The following ATG10 variants were observed in gnomAD, a reference collection of about 807,000 sequenced individuals.
ATG10 encodes the protein ubiquitin-like-conjugating enzyme ATG10.
In ATG10, 30 loss-of-function variants were observed where a neutral mutation model predicts 32.1. The observed-to-expected ratio is 0.94, with a 90% CI of 0.70 to 1.27. ATG10 has a LOEUF of 1.27. Among genes scored for constraint, ATG10 ranks in the 50% most tolerant of loss-of-function variants. ATG10 has a pLI of 0.00. For synonymous variants in ATG10, 87 were observed against 91.5 expected, an observed-to-expected ratio of 0.95 and a Z score of 0.28; for missense variants, 233 against 262.3, an observed-to-expected ratio of 0.89 and a Z score of 0.77.
intron 3 of ATG10, among the ~76,000 whole-genome samples, chr5:82,097,682 AGCCATTAG>A (rs1765115102): frequency 6.6e-6 from 1 of 152,242 alleles, no homozygotes; most frequent in Non-Finnish European, 1.5e-5. Flanking sequence ...CAAAGATGCT[AGCCATTAG>A]GGTACAAATA....
chr5:82,218,052 T>TACAC (rs60254193), intron 5 of ATG10, among the ~76,000 whole-genome samples: 22,806 of 144,888 alleles, frequency 0.16, 1,815 homozygotes, highest in African/African-American at 0.19. Context: ...GTTCTCTCTT[T>TACAC]ACACACACAC....
intron 5 of ATG10, among the ~76,000 whole-genome samples, chr5:82,197,926 T>A (rs561862479): frequency 1.3e-5 from 2 of 152,178 alleles, no homozygotes; most frequent in Non-Finnish European, 2.9e-5. Flanking sequence ...TTTCTTGATC[T>A]ATGATGTTTT....
intron 2 of ATG10, among the ~76,000 whole-genome samples, chr5:82,022,436 C>T (rs1325201163): frequency 1.3e-5 from 2 of 149,272 alleles, no homozygotes; most frequent in Non-Finnish European, 3.0e-5. Flanking sequence ...TCAAGCAATT[C>T]TCCTGCCTCA....
At chr5:82,217,198 C>T (rs559725334) in intron 5 of ATG10, among the ~76,000 whole-genome samples, 59 of 152,282 alleles carry the variant, frequency 3.9e-4, no homozygotes, top group African/African-American at 1.4e-3. Context: ...TGCAATCAAA[C>T]AGACATCAGT....
intron 3 of ATG10, among the ~76,000 whole-genome samples, chr5:82,070,407 T>A (rs896343945): frequency 6.6e-6 from 1 of 152,200 alleles, no homozygotes. Context: ...CTCTTTCCAA[T>A]AAGTATTTGT....
At position 81,988,390 on chromosome 5, in the gene ATG10, C is replaced by T. The variant is rs190300294; in HGVS notation, c.108+712C>T. ...CTGGCCTCAAGTGATCCACCCGCCT[C>T]AGCCTCCCAAAGTCCTGGGATTATA... On this transcript the variant is annotated intron_variant, in intron 2 of 7. Coordinates refer to ENST00000282185, the MANE Select transcript of ATG10 (RefSeq NM_031482.5). 2.1e-3 allele frequency among the ~76,000 whole-genome samples: 313 copies of T among 152,312 alleles called. 1 individual carries two copies. Among genetic ancestry groups the T allele is most frequent in the Admixed American group, 3.7e-3 (57 of 15,292 alleles).
chr5:82,117,091 T>A (rs1402280097), intron 3 of ATG10, among the ~76,000 whole-genome samples: 2 of 152,130 alleles, frequency 1.3e-5, no homozygotes, highest in Admixed American at 1.3e-4. Context: ...TTTAACAACT[T>A]ACTATATGTT....
intron 1 of ATG10, among the ~76,000 whole-genome samples, chr5:81,977,065 C>T (rs948239923): frequency 6.6e-6 from 1 of 151,888 alleles, no homozygotes; most frequent in East Asian, 1.9e-4. Flanking sequence ...TTTGTAGAGG[C>T]GGGATCTCAC....
At chr5:82,035,398 C>T (rs1762886986) in intron 2 of ATG10, among the ~76,000 whole-genome samples, 1 of 152,126 alleles carries the variant, frequency 6.6e-6, no homozygotes, top group Non-Finnish European at 1.5e-5. Flanking sequence ...GAAGTAAGTG[C>T]TCAATAATAT....
At chr5:82,226,677 G>A (rs542521897) in intron 5 of ATG10, among the ~76,000 whole-genome samples, 2 of 152,162 alleles carry the variant, frequency 1.3e-5, no homozygotes, top group South Asian at 4.2e-4. Context: ...CCTTAGTAAT[G>A]GAGCTTCTCT....
chr5:82,209,038 T>C (rs1745400903), intron 5 of ATG10, among the ~76,000 whole-genome samples: 1 of 152,186 alleles, frequency 6.6e-6, no homozygotes, highest in African/African-American at 2.4e-5. Context: ...AGGGATCTTT[T>C]TTTTTTCCTT....
chr5:82,150,540 G>A (rs982205073), intron 3 of ATG10, among the ~76,000 whole-genome samples: 4 of 152,180 alleles, frequency 2.6e-5, no homozygotes, highest in African/African-American at 4.8e-5. Context: ...AGAAAAAGTA[G>A]TCCAATGCCC....
chr5:82,114,735 A>G (rs1022991733), intron 3 of ATG10, among the ~76,000 whole-genome samples: 1 of 152,076 alleles, frequency 6.6e-6, no homozygotes, highest in Non-Finnish European at 1.5e-5. Context: ...TTCGGTTTAC[A>G]GTGAGACTTG....
At chr5:81,983,132 G>A (rs1193483097) in intron 1 of ATG10, among the ~76,000 whole-genome samples, 2 of 151,882 alleles carry the variant, frequency 1.3e-5, no homozygotes, top group African/African-American at 4.8e-5. Context: ...AGGGGCGGCC[G>A]GACAGAGGTG....
rs35513819 is a variant in ATG10 at position 82,190,773 on chromosome 5, CAAAAAAAAAAA to C, written c.453+12207_453+12217del. Among the ~76,000 whole-genome samples the C allele has an allele frequency of 5.6e-4, 30 of 53,688 alleles. No individual in the cohort carries two copies. In the South Asian group the frequency reaches 7.6e-3, roughly 14 times the overall value. 35.2% of individuals were successfully genotyped at this position (53,688 alleles called of 152,430 possible). A position where few individuals can be genotyped will look rare whatever the true frequency, so the allele number is the denominator to read the frequency against. On this transcript the variant is annotated intron_variant, in intron 5 of 7. Transcript: ENST00000282185. ...TGGGCAACAGAGTGAGACTCCATCTCAAAAAAAAAAAAAAAAAAAAAAAAAAAAAAATGGGG... is the reference window on the plus strand; with the variant it reads ...TGGGCAACAGAGTGAGACTCCATCTCAAAAAAAAAAAAAAAAAAAATGGGG...
intron 3 of ATG10, among the ~76,000 whole-genome samples, chr5:82,077,705 C>T (rs1428916234): frequency 6.6e-6 from 1 of 152,170 alleles, no homozygotes; most frequent in Non-Finnish European, 1.5e-5. Flanking sequence ...TTTGCATCAC[C>T]GTCATGAATG....
At chr5:82,039,466 G>T in intron 2 of ATG10, among the ~76,000 whole-genome samples, 1 of 151,926 alleles carries the variant, frequency 6.6e-6, no homozygotes. Context: ...TAAGAAAATA[G>T]AAATGAATAT....
intron 3 of ATG10, among the ~76,000 whole-genome samples, chr5:82,158,060 A>G (rs1436039722): frequency 1.3e-5 from 2 of 152,204 alleles, no homozygotes; most frequent in East Asian, 1.9e-4. Flanking sequence ...TGCTTTCAAT[A>G]AAATAGCTGT....
chr5:82,120,432 C>T (rs1765998904), intron 3 of ATG10, among the ~76,000 whole-genome samples: 1 of 152,062 alleles, frequency 6.6e-6, no homozygotes, highest in Admixed American at 6.5e-5. Context: ...TGAAAAAAGT[C>T]ACAAATAGAT....
Sources: allele counts gnomAD v4.1 joint callset (sites outside exome capture counted in the v4.1 genomes callset), GRCh38; gene constraint gnomAD v4.1.1; transcripts MANE v1.5; gene names NCBI Gene and HGNC (gene_info 2026-07-23, HGNC 2026-07-21).